MED27: variants seen among roughly 807,000 people sequenced by gnomAD.
The protein encoded by MED27 is mediator of RNA polymerase II transcription subunit 27.
A neutral mutation model predicts 38.2 loss-of-function variants in MED27; 30 were observed. That is an observed-to-expected ratio of 0.79 (90% CI 0.59 to 1.07). The LOEUF (loss-of-function observed/expected upper bound fraction) is 1.07. Ranked by LOEUF, MED27 falls within the 50% of genes least tolerant of loss-of-function variation. The probability of loss-of-function intolerance (pLI) is 0.00; values close to 1 mark genes in which losing one functional copy is unlikely to be tolerated. For synonymous variants in MED27, 122 were observed against 153.5 expected, an observed-to-expected ratio of 0.79 and a Z score of 1.52; for missense variants, 289 against 397.5, an observed-to-expected ratio of 0.73 and a Z score of 2.32.
intron 4 of MED27, among the ~76,000 whole-genome samples, chr9:131,930,032 C>CAGAGAGAGAGAGAGAGAGAGAGAG (rs112511169): frequency 1.3e-5 from 2 of 151,204 alleles, no homozygotes; most frequent in African/African-American, 4.8e-5. Context: ...TGGCTTAGCA[C>CAGAGAGAGAGAGAGAGAGAGAGAG]AGAGAGAGAG....
intron 2 of MED27, among the ~76,000 whole-genome samples, chr9:132,049,852 T>G (rs1033642185): frequency 6.6e-6 from 1 of 152,052 alleles, no homozygotes. Context: ...CAAAGAGAAA[T>G]GGGGGAAATC....
At chr9:132,045,408 G>A (rs978748850) in intron 2 of MED27, among the ~76,000 whole-genome samples, 1 of 120,772 alleles carries the variant, frequency 8.3e-6, no homozygotes, top group African/African-American at 3.2e-5. Flanking sequence ...CTAAGAAGAG[G>A]AAATTACACA....
intron 2 of MED27, among the ~76,000 whole-genome samples, chr9:132,072,334 A>T (rs1833958886): frequency 1.3e-5 from 2 of 152,046 alleles, no homozygotes; most frequent in Admixed American, 6.5e-5. Flanking sequence ...ACTCAAAAAG[A>T]TTTTTTTCCC....
intron 6 of MED27, among the ~76,000 whole-genome samples, chr9:131,867,470 C>A (rs1036454213): frequency 6.6e-6 from 1 of 152,264 alleles, no homozygotes; most frequent in African/African-American, 2.4e-5. Context: ...CTCCTCCTCT[C>A]TGCAGACCAA....
chr9:131,970,837 A>G (rs1394697741), intron 3 of MED27, among the ~76,000 whole-genome samples: 1 of 152,244 alleles, frequency 6.6e-6, no homozygotes, highest in Non-Finnish European at 1.5e-5. Flanking sequence ...AACACCAAAC[A>G]GATCATGTGG....
intron 2 of MED27, among the ~76,000 whole-genome samples, chr9:132,033,533 A>C (rs1057211548): frequency 3.7e-4 from 57 of 152,186 alleles, no homozygotes; most frequent in Non-Finnish European, 1.2e-4. Context: ...AGGGCAAGAA[A>C]ATTCATCATC....
rs550991998 is a variant in MED27, at chr9:131,982,333, C to T, written c.479+32004G>A. 3.9e-5 allele frequency among the ~76,000 whole-genome samples: 6 copies of T among 152,322 alleles called. No individual in the cohort carries two copies. Among genetic ancestry groups the T allele is most frequent in the Admixed American group, 6.5e-5 (1 of 15,304 alleles). On this transcript the variant is annotated intron_variant, in intron 3 of 7. Coordinates refer to ENST00000292035, the MANE Select transcript of MED27 (RefSeq NM_004269.4). This position sits in a 1 kb window ranked among gnomAD's most constrained non-coding sequence, Gnocchi z 4.3. Reference sequence around the variant, plus strand: ...CAGAGGCCACACGGAGAGGGAGGGGCTCTGAGGCTACAGGGAAAGAGAATC... The same window carrying T: ...CAGAGGCCACACGGAGAGGGAGGGGTTCTGAGGCTACAGGGAAAGAGAATC...
chr9:131,879,302 AG>A (rs1363963654), intron 6 of MED27, among the ~76,000 whole-genome samples: 2 of 148,292 alleles, frequency 1.3e-5, no homozygotes, highest in South Asian at 4.5e-4. Flanking sequence ...AGGAGACCTC[AG>A]GGTGGGCACG....
chr9:132,038,284 C>T (rs923753987), intron 2 of MED27, among the ~76,000 whole-genome samples: 2 of 149,640 alleles, frequency 1.3e-5, no homozygotes, highest in Non-Finnish European at 3.0e-5. Context: ...CTCCGCCTCC[C>T]GGGTTCACGC....
intron 5 of MED27, among the ~76,000 whole-genome samples, chr9:131,887,888 CAGTA>C (rs1180926284): frequency 6.6e-6 from 1 of 152,134 alleles, no homozygotes; most frequent in African/African-American, 2.4e-5. Flanking sequence ...CTGGGGATTG[CAGTA>C]AGTATTTTAA....
In MED27 at chr9:131,948,501, AC is replaced by A. The variant is rs1417254163; in HGVS notation, c.480-9028del. Reference sequence around the variant, plus strand: ...CCGTCTCAAAAAAACAAAAACAAAAACAAAAAAAAAAAACAAAAAACCAAAA... The same window carrying A: ...CCGTCTCAAAAAAACAAAAACAAAAAAAAAAAAAAAAACAAAAAACCAAAA... On this transcript the variant is annotated intron_variant, in intron 3 of 7. Coordinates refer to ENST00000292035, the MANE Select transcript of MED27 (RefSeq NM_004269.4). Among the ~76,000 whole-genome samples the A allele has an allele frequency of 9.3e-5, 10 of 107,614 alleles. No homozygotes were observed. The East Asian group carries it at 1.2e-3, about 13-fold the overall frequency. The allele number at this position is 107,614 out of a possible 152,430, so 70.6% of individuals were successfully genotyped here. A position where few individuals can be genotyped will look rare whatever the true frequency, so the allele number is the denominator to read the frequency against.
At chr9:131,918,112 A>T (rs1312166778) in intron 4 of MED27, among the ~76,000 whole-genome samples, 1 of 152,224 alleles carries the variant, frequency 6.6e-6, no homozygotes, top group Non-Finnish European at 1.5e-5. Flanking sequence ...CCATTGAAAT[A>T]TACCTGCTAG....
chr9:131,971,213 T>G (rs1831467779), intron 3 of MED27, among the ~76,000 whole-genome samples: 2 of 152,208 alleles, frequency 1.3e-5, no homozygotes, highest in Admixed American at 6.5e-5. Flanking sequence ...ACTTTAAAAC[T>G]TTAATAATGA....
chr9:131,981,340 C>T (rs764167528), intron 3 of MED27, among the ~76,000 whole-genome samples: 3 of 152,132 alleles, frequency 2.0e-5, no homozygotes, highest in African/African-American at 7.2e-5. Context: ...TCAAAACTGG[C>T]GTAAGACATG....
rs1362223291 is a variant in MED27, at chr9:131,997,868, C to T, written c.479+16469G>A. 6.6e-6 allele frequency among the ~76,000 whole-genome samples: 1 copy of T among 152,220 alleles called. No homozygotes were observed. The highest frequency in any genetic ancestry group is 1.5e-5 in the Non-Finnish European group (1 of 68,030). On this transcript the variant is annotated intron_variant, in intron 3 of 7. Transcript: ENST00000292035. This position sits in a 1 kb window ranked among gnomAD's most constrained non-coding sequence, Gnocchi z 4.0. ...TCTATGCGGTGGCTTTCATTATTAA[C>T]CAGTCCGATGGTGTTCCTTCCCTCA...
intron 2 of MED27, among the ~76,000 whole-genome samples, chr9:132,070,627 T>C (rs1424284956): frequency 6.6e-6 from 1 of 152,142 alleles, no homozygotes; most frequent in Non-Finnish European, 1.5e-5. Context: ...ATAAAACAGA[T>C]CTGATTTCCT....
chr9:132,071,880 C>T (rs534255302), intron 2 of MED27, among the ~76,000 whole-genome samples: 188 of 151,696 alleles, frequency 1.2e-3, no homozygotes, highest in Middle Eastern at 6.8e-3. Flanking sequence ...ACGCATAACA[C>T]GCGCCCCATG....
chr9:131,960,929 G>C (rs76755946), intron 3 of MED27, among the ~76,000 whole-genome samples: 1 of 152,270 alleles, frequency 6.6e-6, no homozygotes, highest in Non-Finnish European at 1.5e-5. Context: ...TAGGCAAAAC[G>C]TAACAATGGG....
At chr9:131,863,252 G>A in intron 6 of MED27, 112 bp from the exon 7 acceptor site, 1 of 804,932 alleles carries the variant, frequency 1.2e-6, no homozygotes, top group South Asian at 1.8e-5. Flanking sequence ...ATCTCGTGGA[G>A]GAAAGGGCAT....
Sources: allele counts gnomAD v4.1 joint callset (sites outside exome capture counted in the v4.1 genomes callset), GRCh38; gene constraint gnomAD v4.1.1; non-coding constraint Gnocchi (gnomAD v3.1); transcripts MANE v1.5; gene names NCBI Gene and HGNC (gene_info 2026-07-23, HGNC 2026-07-21).